The following RPL19 variants were observed in gnomAD, a reference collection of about 807,000 sequenced individuals.
RPL19 encodes large ribosomal subunit protein eL19.
Under a neutral mutation model 25.1 loss-of-function variants are expected in RPL19, and 2 were observed. The observed-to-expected ratio is 0.08, with a 90% CI of 0.03 to 0.25. The LOEUF is 0.25. RPL19 is among the 10% of genes least tolerant of loss of function. The pLI is 1.00. For synonymous variants in RPL19, 89 were observed against 91.2 expected, an observed-to-expected ratio of 0.98 and a Z score of 0.14; for missense variants, 123 against 271.8, an observed-to-expected ratio of 0.45 and a Z score of 3.85.
Position 39,204,718 on chromosome 17 carries a change from C to T in RPL19, c.*70C>T, listed in dbSNP as rs1276191511. ...GATCAGCCATTAAAATAAAACAAGC[C>T]TTAATCTGCCTTCCTCTCTGCTTCT... On this transcript the variant is annotated 3_prime_UTR_variant, in exon 6 of 6. Coordinates refer to ENST00000225430, the MANE Select transcript of RPL19 (RefSeq NM_000981.4). The T allele has an allele frequency of 3.4e-6, 5 of 1,469,340 alleles. No individual in the cohort carries two copies. Among genetic ancestry groups the T allele is most frequent in the African/African-American group, 1.4e-5 (1 of 71,126 alleles). 91.0% of individuals were successfully genotyped at this position (1,469,340 alleles called of 1,614,324 possible).
Position 39,202,765 on chromosome 17 carries a change from G to A in RPL19, c.236-224G>A, listed in dbSNP as rs368166457. ...CTGTTACACCCACATTCTGCATGAA[G>A]TGAATGGGGAATTATTGCTGTATTT... On this transcript the variant is annotated intron_variant, in intron 3 of 5. Transcript: ENST00000225430. 238 of 528,064 alleles carry A rather than the reference G, an allele frequency of 4.5e-4. 4 individuals are homozygous for A. The South Asian group carries it at 5.8e-3, about 13-fold the overall frequency. The allele number at this position is 528,064 out of a possible 1,614,324, so 32.7% of individuals were successfully genotyped here. A position where few individuals can be genotyped will look rare whatever the true frequency, so the allele number is the denominator to read the frequency against.
chr17:39,200,636 G>A (rs1002665858), intron 1 of RPL19: 72 of 1,187,210 alleles, frequency 6.1e-5, no homozygotes, highest in Non-Finnish European at 7.1e-5. Flanking sequence ...ACAAGACCAA[G>A]CCGTGGGCCC....
chr17:39,203,174 ATTTTTTTT>A (rs59332263), intron 4 of RPL19, 65 bp downstream of exon 4: 71 of 596,098 alleles, frequency 1.2e-4, no homozygotes, highest in African/African-American at 3.4e-4. Flanking sequence ...TTTCCCAGAG[ATTTTTTTT>A]TTTTTTTTTT....
At chr17:39,201,159 C>G (rs1387571518) in intron 1 of RPL19, 54 bp from the exon 2 acceptor site, 1 of 1,213,234 alleles carries the variant, frequency 8.2e-7, no homozygotes, top group Non-Finnish European at 1.2e-6. Flanking sequence ...TGGGGACGTT[C>G]ATTCTTGCCC....
intron 4 of RPL19, 71 bp from the exon 5 acceptor site, chr17:39,204,005 TG>T: frequency 1.2e-6 from 1 of 810,914 alleles, no homozygotes; most frequent in Non-Finnish European, 2.2e-6. Flanking sequence ...TGACCTTGGG[TG>T]GAGGAACAGC....
At chr17:39,200,500 C>T (rs2046278822) in intron 1 of RPL19, 151 bp downstream of exon 1, 2 of 1,302,104 alleles carry the variant, frequency 1.5e-6, no homozygotes. Context: ...CACTTTCGTC[C>T]CGGGCCTCCG....
At position 39,201,271 on chromosome 17, in the gene RPL19, G is replaced by A; in HGVS notation, c.64G>A (p.Val22Ile). The A allele has an allele frequency of 2.5e-6, 4 of 1,613,744 alleles. No individual in the cohort carries two copies. Among genetic ancestry groups the A allele is most frequent in the African/African-American group, 1.3e-5 (1 of 74,890 alleles). ...SSVLRCGKKK[V>I]WLDPNETNEI... ...TGTCCTCCGCTGTGGCAAGAAGAAG[G>A]TCTGGTTAGACCCCAATGAGACCAA... Residue 22 changes from valine to isoleucine, a missense_variant, in exon 2 of 6, where the codon GTC becomes ATC. By Grantham distance (29) the Val-to-Ile change is conservative (BLOSUM62 3). Coordinates refer to ENST00000225430, the MANE Select transcript of RPL19 (RefSeq NM_000981.4).
intron 3 of RPL19, 90 bp from the exon 4 acceptor site, chr17:39,202,899 A>G (rs1028822908): frequency 6.9e-5 from 100 of 1,447,822 alleles, no homozygotes; most frequent in Admixed American, 1.9e-4. Context: ...TAAATGAGTT[A>G]AGGACCCTGA....
At chr17:39,200,638 C>T (rs1033999164) in intron 1 of RPL19, 2 of 1,181,680 alleles carry the variant, frequency 1.7e-6, no homozygotes, top group African/African-American at 3.2e-5. Context: ...AAGACCAAGC[C>T]GTGGGCCCTT....
At chr17:39,201,013 G>C (rs1161392367) in intron 1 of RPL19, 200 bp from the exon 2 acceptor site, 11 of 520,960 alleles carry the variant, frequency 2.1e-5, no homozygotes, top group Non-Finnish European at 3.7e-5. Context: ...ATGAGGCTCC[G>C]AGAGGTGAAG....
intron 1 of RPL19, 129 bp from the exon 2 acceptor site, chr17:39,201,084 A>C (rs2046283978): frequency 2.8e-6 from 2 of 705,782 alleles, no homozygotes; most frequent in Non-Finnish European, 5.0e-6. Context: ...CCAGAGCCTT[A>C]AAGATGATTT....
Position 39,202,452 on chromosome 17 carries a change from A to G in RPL19, c.235+13A>G, listed in dbSNP as rs867040252. ...CACATGGGCATAGGTAAGTGTGGTC[A>G]TCTTCTCCTTAAGAAATGATAGGTG... On this transcript the variant is annotated intron_variant, in intron 3 of 5. Transcript: ENST00000225430. 2 of 1,614,118 alleles carry G rather than the reference A, an allele frequency of 1.2e-6. No homozygotes were observed. Among genetic ancestry groups the G allele is most frequent in the Non-Finnish European group, 8.5e-7 (1 of 1,179,974 alleles).
chr17:39,202,874 T>G, intron 3 of RPL19, 115 bp from the exon 4 acceptor site: 10 of 1,137,990 alleles, frequency 8.8e-6, no homozygotes, highest in African/African-American at 1.5e-5. Context: ...CTACTTAAAA[T>G]GAGGTTGTGA....
chr17:39,200,825 A>G, intron 1 of RPL19: 1 of 951,878 alleles, frequency 1.1e-6, no homozygotes, highest in Non-Finnish European at 1.3e-6. Context: ...GAGGCTTGTT[A>G]CTGTGATAAA....
intron 5 of RPL19, 79 bp from the exon 6 acceptor site, chr17:39,204,446 G>A: frequency 2.0e-6 from 3 of 1,535,694 alleles, no homozygotes; most frequent in Non-Finnish European, 1.8e-6. Flanking sequence ...CTCAAAGGGA[G>A]AGGTCTGGGG....
intron 1 of RPL19, 97 bp downstream of exon 1, chr17:39,200,446 G>C: frequency 1.5e-6 from 2 of 1,298,968 alleles, no homozygotes; most frequent in Non-Finnish European, 2.0e-6. Context: ...TGAAATGGAG[G>C]CCGCCCTAAA....
rs771435155 is a variant in RPL19, at chr17:39,202,366, T to C, written c.162T>C (p.Pro54=). 6.2e-7 allele frequency: 1 copy of C among 1,614,080 alleles called. No homozygotes were observed. Among genetic ancestry groups the C allele is most frequent in the African/African-American group, 1.3e-5 (1 of 74,938 alleles). The change falls in exon 3 of 6, where the codon CCT becomes CCC. Residue 54 remains proline, a synonymous_variant. Transcript: ENST00000225430. ...AAGATGGGCTGATCATCCGCAAGCC[T>C]GTGACGGTCCATTCCCGGGCTCGAT... ...LIKDGLIIRK[P]VTVHSRARCR...
In RPL19 at chr17:39,201,264, G is replaced by A; in HGVS notation, c.57G>A (p.Lys19=). The change falls in exon 2 of 6, where the codon AAG becomes AAA. Residue 19 remains lysine, a synonymous_variant. Coordinates refer to ENST00000225430, the MANE Select transcript of RPL19 (RefSeq NM_000981.4). ...RLASSVLRCG[K]KKVWLDPNET... is the part of the protein sequence containing the mutation. ...CCTCTAGTGTCCTCCGCTGTGGCAA[G>A]AAGAAGGTCTGGTTAGACCCCAATG... The A allele has an allele frequency of 1.2e-6, 2 of 1,613,780 alleles. No individual in the cohort carries two copies. The highest frequency in any genetic ancestry group is 1.7e-6 in the Non-Finnish European group (2 of 1,179,920).
intron 4 of RPL19, 148 bp from the exon 5 acceptor site, chr17:39,203,929 A>C (rs955833666): frequency 1.7e-6 from 1 of 590,226 alleles, no homozygotes; most frequent in Non-Finnish European, 3.1e-6. Flanking sequence ...CTGCACACAA[A>C]AAAGTCATGG....
Sources: allele counts gnomAD v4.1 joint callset, GRCh38; gene constraint gnomAD v4.1.1; transcripts MANE v1.5; gene names NCBI Gene and HGNC (gene_info 2026-07-23, HGNC 2026-07-21).